XIRP2: variants seen among roughly 807,000 people sequenced by gnomAD.
The protein encoded by XIRP2 is xin actin-binding repeat-containing protein 2.
A neutral mutation model predicts 277.0 loss-of-function variants in XIRP2; 236 were observed. That is an observed-to-expected ratio of 0.85 (90% CI 0.77 to 0.95). The LOEUF is 0.95. XIRP2 is among the 40% of genes least tolerant of loss of function. The pLI is 0.00. For synonymous variants in XIRP2, 1,490 were observed against 1,416.5 expected, an observed-to-expected ratio of 1.05 and a Z score of -1.17; for missense variants, 4,640 against 4,157.5, an observed-to-expected ratio of 1.12 and a Z score of -3.19.
intron 3 of XIRP2, among the ~76,000 whole-genome samples, chr2:167,138,479 G>A (rs957766399): frequency 7.9e-5 from 12 of 152,082 alleles, no homozygotes; most frequent in Non-Finnish European, 1.6e-4. Flanking sequence ...GTGGACAATT[G>A]CTCTCACCAC....
chr2:167,150,873 T>C (rs959627987), intron 3 of XIRP2, among the ~76,000 whole-genome samples: 1 of 152,134 alleles, frequency 6.6e-6, no homozygotes, highest in Non-Finnish European at 1.5e-5. Flanking sequence ...ATTTGGGCAG[T>C]GAAACTAGCC....
intron 2 of XIRP2, among the ~76,000 whole-genome samples, chr2:167,133,528 C>A (rs935862729): frequency 2.4e-4 from 36 of 152,264 alleles, no homozygotes; most frequent in Admixed American, 5.9e-4. Flanking sequence ...AATGTCATCA[C>A]CAGCTGAAAT....
chr2:167,172,901 G>T (rs1016367445), intron 3 of XIRP2, among the ~76,000 whole-genome samples: 1 of 152,106 alleles, frequency 6.6e-6, no homozygotes, highest in Non-Finnish European at 1.5e-5. Context: ...GTATTGATTG[G>T]GGAAGTGATA....
At chr2:167,088,073 A>G (rs188787979) in intron 2 of XIRP2, among the ~76,000 whole-genome samples, 1 of 152,190 alleles carries the variant, frequency 6.6e-6, no homozygotes. Context: ...TTCTGGCAAC[A>G]GCTATCTTAA....
chr2:167,193,618 C>T (rs999709188), intron 3 of XIRP2, among the ~76,000 whole-genome samples: 13 of 152,102 alleles, frequency 8.5e-5, no homozygotes, highest in African/African-American at 3.1e-4. Flanking sequence ...TGCCTCACAC[C>T]TGAAATCCCA....
intron 2 of XIRP2, among the ~76,000 whole-genome samples, chr2:167,113,601 C>A (rs1690819601): frequency 6.6e-6 from 1 of 152,122 alleles, no homozygotes; most frequent in African/African-American, 2.4e-5. Context: ...ATCCATCTTT[C>A]CACTCTGTGC....
chr2:166,967,900 A>G (rs1686472257), intron 2 of XIRP2, among the ~76,000 whole-genome samples: 1 of 151,904 alleles, frequency 6.6e-6, no homozygotes. Context: ...CCAATCTCTT[A>G]AGAGGGCTAT....
chr2:167,007,804 AATT>A (rs1204298615), intron 2 of XIRP2, among the ~76,000 whole-genome samples: 4 of 151,480 alleles, frequency 2.6e-5, no homozygotes, highest in African/African-American at 9.7e-5. Flanking sequence ...GATATAACAA[AATT>A]ATTATACAAA....
intron 2 of XIRP2, among the ~76,000 whole-genome samples, chr2:167,037,522 T>C (rs71405941): frequency 7.6e-6 from 1 of 131,238 alleles, no homozygotes; most frequent in African/African-American, 2.8e-5. Flanking sequence ...GTGGGGGGTG[T>C]GTGTGTGTGT....
In XIRP2 at chr2:167,135,889, C is replaced by G; in HGVS notation, c.409-20C>G. 1 of 1,577,464 alleles carries G rather than the reference C, an allele frequency of 6.3e-7. No individual in the cohort carries two copies. The highest frequency in any genetic ancestry group is 8.6e-7 in the Non-Finnish European group (1 of 1,163,204). On this transcript the variant is annotated intron_variant, in intron 2 of 10. Coordinates refer to ENST00000409195, the MANE Select transcript of XIRP2 (RefSeq NM_152381.6). ...CTACTGATAGCTTTTAACATACAAC[C>G]CTTTAATGTCTTGTAACAGGAAGTG...
chr2:167,092,622 C>T (rs920014368), intron 2 of XIRP2, among the ~76,000 whole-genome samples: 22 of 152,066 alleles, frequency 1.4e-4, no homozygotes, highest in Non-Finnish European at 2.5e-4. Context: ...ATTTCTTGAA[C>T]ACTATAATGA....
chr2:167,012,273 T>C (rs911872975), intron 2 of XIRP2, among the ~76,000 whole-genome samples: 2 of 151,896 alleles, frequency 1.3e-5, no homozygotes, highest in Admixed American at 1.3e-4. Flanking sequence ...TTTGTTCTCA[T>C]TGGTTTCAAA....
intron 10 of XIRP2, 131 bp downstream of exon 10, chr2:167,254,296 A>T (rs1256705351): frequency 8.8e-7 from 1 of 1,130,114 alleles, no homozygotes; most frequent in Non-Finnish European, 1.2e-6. Flanking sequence ...ACACAGGGAG[A>T]TTTGCTCATG....
At chr2:166,913,499 A>T (rs537424494) in intron 2 of XIRP2, among the ~76,000 whole-genome samples, 84 of 152,272 alleles carry the variant, frequency 5.5e-4, no homozygotes, top group African/African-American at 2.0e-3. Flanking sequence ...GGAGCTGTAG[A>T]CTGGAGCTGT....
intron 2 of XIRP2, among the ~76,000 whole-genome samples, chr2:166,922,187 C>A (rs1685060679): frequency 6.6e-6 from 1 of 152,112 alleles, no homozygotes; most frequent in Admixed American, 6.6e-5. Context: ...CAGCTAGCTT[C>A]AGAAGCACCT....
In XIRP2 at chr2:167,242,759, C is replaced by A. The variant is rs755330567; in HGVS notation, c.1367C>A (p.Pro456Gln). 6 of 1,613,954 alleles carry A rather than the reference C, an allele frequency of 3.7e-6. No individual in the cohort carries two copies. Among genetic ancestry groups the A allele is most frequent in the South Asian group, 2.2e-5 (2 of 91,082 alleles). Residue 456 changes from proline (P) to glutamine (Q), a missense_variant, in exon 9 of 11, where the codon CCA becomes CAA. By Grantham distance (76) the Pro-to-Gln change is moderately conservative. Transcript: ENST00000409195. ...SGMTEEFPPP[P>Q]PDVLQTSVDV... ...ATGACAGAAGAATTTCCTCCTCCCC[C>A]ACCTGACGTACTTCAAACTTCAGTA...
intron 5 of XIRP2, among the ~76,000 whole-genome samples, chr2:167,221,776 T>A (rs1694440141): frequency 6.6e-6 from 1 of 152,208 alleles, no homozygotes; most frequent in Non-Finnish European, 1.5e-5. Flanking sequence ...GTCCTTGAGA[T>A]TTATTTCCCT....
rs570739018 is a variant in XIRP2 at position 166,909,467 on chromosome 2, G to A, written c.408+5577G>A. On this transcript the variant is annotated intron_variant, in intron 2 of 10. Coordinates refer to ENST00000409195, the MANE Select transcript of XIRP2 (RefSeq NM_152381.6). ...CTTGTGATTTTTGCACATTGATTTT[G>A]TATCCTGAGACTTTGCTGAAGTTGC... Among the ~76,000 whole-genome samples the A allele has an allele frequency of 2.6e-5, 4 of 152,278 alleles. No individual in the cohort carries two copies. The South Asian group carries it at 8.3e-4, about 32-fold the overall frequency.
intron 3 of XIRP2, among the ~76,000 whole-genome samples, chr2:167,175,277 A>G (rs956563791): frequency 5.9e-5 from 9 of 152,134 alleles, no homozygotes; most frequent in Non-Finnish European, 1.2e-4. Flanking sequence ...TATATTTAGG[A>G]TAGTTGGCTC....
Sources: gnomAD v4.1 joint callset for allele counts (sites outside exome capture counted in the v4.1 genomes callset) on GRCh38, gnomAD v4.1.1 for gene constraint, MANE v1.5 for transcripts, NCBI Gene and HGNC (gene_info 2026-07-23, HGNC 2026-07-21) for gene names.